The following ME3 variants were observed in gnomAD, a reference collection of about 807,000 sequenced individuals.
The protein encoded by ME3 is malic enzyme 3, also known as NADP-dependent malic enzyme, mitochondrial.
ME3 carries 48 observed loss-of-function variants against 68.9 expected under a neutral mutation model. The observed-to-expected ratio is 0.70, with a 90% CI of 0.55 to 0.89. The LOEUF (loss-of-function observed/expected upper bound fraction) is 0.89, where lower values mean the gene tolerates loss of function less well. Among genes scored for constraint, ME3 ranks in the 40% least tolerant of loss-of-function variants. The probability of loss-of-function intolerance (pLI) is 0.00; values close to 1 mark genes in which losing one functional copy is unlikely to be tolerated. For missense variants in ME3, 675 were observed against 797.4 expected (o/e 0.85, Z 1.85); for synonymous variants, 320 against 318.8 (o/e 1.00, Z -0.04).
intron 4 of ME3, among the ~76,000 whole-genome samples, chr11:86,552,794 A>G (rs1033661588): frequency 5.3e-5 from 8 of 152,182 alleles, no homozygotes; most frequent in African/African-American, 1.9e-4. Flanking sequence ...TCAGACCTCC[A>G]TCACCCATAC....
At chr11:86,515,372 A>C (rs2139143585) in intron 4 of ME3, among the ~76,000 whole-genome samples, 1 of 152,230 alleles carries the variant, frequency 6.6e-6, no homozygotes, top group South Asian at 2.1e-4. Context: ...TACAGATGAG[A>C]TTAAGAGGTA....
chr11:86,522,717 T>G (rs1954417471), intron 4 of ME3, among the ~76,000 whole-genome samples: 2 of 152,188 alleles, frequency 1.3e-5, no homozygotes, highest in Admixed American at 1.3e-4. Context: ...ATCTCATTCT[T>G]TTTTATGGCT....
At chr11:86,607,452 G>GT (rs146485846) in intron 2 of ME3, among the ~76,000 whole-genome samples, 42,023 of 133,130 alleles carry the variant, frequency 0.32, 7,933 homozygotes, top group Non-Finnish European at 0.42. Flanking sequence ...GAGAGGCATA[G>GT]TTTTTTTTTT....
intron 2 of ME3, among the ~76,000 whole-genome samples, chr11:86,612,753 T>G (rs1245281814): frequency 2.6e-5 from 4 of 152,054 alleles, no homozygotes; most frequent in Non-Finnish European, 5.9e-5. Flanking sequence ...CACTTTTTGA[T>G]GTGGTTGTTT....
chr11:86,472,399 A>G (rs1950832710), intron 7 of ME3, among the ~76,000 whole-genome samples: 1 of 152,150 alleles, frequency 6.6e-6, no homozygotes. Context: ...GGATGATGGG[A>G]TGGACAGCTG....
chr11:86,612,405 T>A (rs1296462314), intron 2 of ME3, among the ~76,000 whole-genome samples: 2 of 152,260 alleles, frequency 1.3e-5, no homozygotes, highest in African/African-American at 4.8e-5. Context: ...GAGAATGATT[T>A]ATATTCCTTT....
intron 4 of ME3, among the ~76,000 whole-genome samples, chr11:86,510,288 C>G (rs1953420331): frequency 6.6e-6 from 1 of 152,160 alleles, no homozygotes; most frequent in South Asian, 2.1e-4. Flanking sequence ...TTTCCTTTGT[C>G]TTCTTGGTAG....
intron 7 of ME3, among the ~76,000 whole-genome samples, chr11:86,486,444 C>T (rs1236165480): frequency 6.6e-6 from 1 of 152,190 alleles, no homozygotes; most frequent in Non-Finnish European, 1.5e-5. Context: ...ACAGTTTGCC[C>T]ACCCCTGAAG....
At chr11:86,487,487 G>GTTTTT in intron 6 of ME3, 47 bp from the exon 7 acceptor site, 1 of 1,168,812 alleles carries the variant, frequency 8.6e-7, no homozygotes, top group Non-Finnish European at 1.2e-6. Flanking sequence ...CGGTGTTCCT[G>GTTTTT]TTTTTTTTTT....
chr11:86,504,278 T>G (rs1485081277), intron 5 of ME3, among the ~76,000 whole-genome samples: 2 of 151,936 alleles, frequency 1.3e-5, no homozygotes, highest in African/African-American at 2.4e-5. Context: ...AGAAATGACT[T>G]AGAACCACAG....
chr11:86,507,914 G>T (rs1357030706), intron 5 of ME3, among the ~76,000 whole-genome samples: 1 of 151,102 alleles, frequency 6.6e-6, no homozygotes, highest in Non-Finnish European at 1.5e-5. Flanking sequence ...GAGCCCAGGA[G>T]ATTGAGGTTG....
intron 2 of ME3, among the ~76,000 whole-genome samples, chr11:86,576,649 C>G (rs1037302235): frequency 6.6e-6 from 1 of 152,188 alleles, no homozygotes; most frequent in Admixed American, 6.5e-5. Context: ...AGAGCCCCTT[C>G]TCTCCTCTCT....
chr11:86,455,278 A>G (rs1410860173), intron 8 of ME3, among the ~76,000 whole-genome samples: 1 of 152,270 alleles, frequency 6.6e-6, no homozygotes, highest in Non-Finnish European at 1.5e-5. Context: ...CTCCCAGTTT[A>G]CTAAAACTTG....
At chr11:86,499,695 A>G (rs1030187725) in intron 5 of ME3, among the ~76,000 whole-genome samples, 2 of 152,150 alleles carry the variant, frequency 1.3e-5, no homozygotes, top group Non-Finnish European at 2.9e-5. Flanking sequence ...AGTGCAAGAG[A>G]TCCATGAAAA....
intron 2 of ME3, among the ~76,000 whole-genome samples, chr11:86,613,521 G>A (rs1327171620): frequency 6.6e-6 from 1 of 152,146 alleles, no homozygotes; most frequent in Non-Finnish European, 1.5e-5. Context: ...AAGAGAGGAA[G>A]TCAAATTGTC....
intron 2 of ME3, among the ~76,000 whole-genome samples, chr11:86,637,910 A>G (rs1465726826): frequency 6.6e-6 from 1 of 151,784 alleles, no homozygotes; most frequent in Non-Finnish European, 1.5e-5. Context: ...TGTAGAAATA[A>G]TGTATCTATG....
intron 2 of ME3, among the ~76,000 whole-genome samples, chr11:86,648,424 G>A (rs1945177171): frequency 6.6e-6 from 1 of 150,918 alleles, no homozygotes. Flanking sequence ...AACTAGAGAA[G>A]CAAAAGCAAA....
chr11:86,446,558 T>C lies in ME3; in HGVS notation c.1381-71A>G, dbSNP rs1949310408. On this transcript the variant is annotated intron_variant, in intron 12 of 14. Coordinates refer to ENST00000543262, the Ensembl canonical transcript of ME3. ...GGGTAATAATAGTGGCCTATTCTTA[T>C]CTTCCAAATGTTGGACCCTTCTTCA... 4.1e-6 allele frequency: 6 copies of C among 1,458,538 alleles called. No homozygotes were observed. The Middle Eastern group carries it at 8.6e-4, about 210-fold the overall frequency. The allele number at this position is 1,458,538 out of a possible 1,614,324, so 90.3% of individuals were successfully genotyped here. A position where few individuals can be genotyped will look rare whatever the true frequency, so the allele number is the denominator to read the frequency against.
intron 2 of ME3, among the ~76,000 whole-genome samples, chr11:86,599,642 A>G (rs1346692477): frequency 6.6e-6 from 1 of 152,230 alleles, no homozygotes; most frequent in Non-Finnish European, 1.5e-5. Context: ...TCCAAGACAC[A>G]TGATTGTCAG....
Sources: gnomAD v4.1 joint callset for allele counts (sites outside exome capture counted in the v4.1 genomes callset) on GRCh38, gnomAD v4.1.1 for gene constraint, MANE v1.5 for transcripts, NCBI Gene and HGNC (gene_info 2026-07-23, HGNC 2026-07-21) for gene names.